TRABD2B: variants seen among roughly 807,000 people sequenced by gnomAD.
TRABD2B encodes TraB domain containing 2B.
TRABD2B carries 14 observed loss-of-function variants against 40.1 expected under a neutral mutation model. The ratio of observed to expected loss-of-function variants is 0.35; its 90% CI spans 0.23 to 0.55. The LOEUF is 0.55. TRABD2B is among the 20% of genes least tolerant of loss of function. The pLI, the probability that TRABD2B is intolerant of heterozygous loss-of-function variation, is 0.90. For missense variants in TRABD2B, 541 were observed against 648.6 expected (o/e 0.83, Z 1.80); for synonymous variants, 263 against 277.0 (o/e 0.95, Z 0.50).
intron 2 of TRABD2B, among the ~76,000 whole-genome samples, chr1:47,937,595 G>C (rs1257790866): frequency 6.6e-6 from 1 of 152,128 alleles, no homozygotes; most frequent in Non-Finnish European, 1.5e-5. Context: ...GAGAGTCAGA[G>C]GCAGGCCCTG....
At chr1:47,895,111 A>G (rs75246120) in intron 2 of TRABD2B, among the ~76,000 whole-genome samples, 3,238 of 152,260 alleles carry the variant, frequency 0.021, 130 homozygotes, top group African/African-American at 0.074. Context: ...CCTCACCCCA[A>G]GGATATAGAT....
chr1:47,989,968 C>T (rs529840180), intron 2 of TRABD2B, among the ~76,000 whole-genome samples: 75 of 152,162 alleles, frequency 4.9e-4, no homozygotes, highest in African/African-American at 1.7e-3. Context: ...AAAATAAATA[C>T]GATAATAAAT....
intron 2 of TRABD2B, among the ~76,000 whole-genome samples, chr1:47,939,025 C>G (rs1157711869): frequency 6.6e-6 from 1 of 152,036 alleles, no homozygotes; most frequent in Admixed American, 6.6e-5. Context: ...AGATGAGTGG[C>G]ATGCAGGAAA....
At chr1:47,809,577 A>G (rs536385804) in intron 2 of TRABD2B, among the ~76,000 whole-genome samples, 1 of 152,242 alleles carries the variant, frequency 6.6e-6, no homozygotes, top group East Asian at 1.9e-4. Flanking sequence ...GGCCTGGGGG[A>G]CATTTCTTCA....
intron 2 of TRABD2B, among the ~76,000 whole-genome samples, chr1:47,827,569 G>A (rs1244340274): frequency 6.6e-6 from 1 of 152,190 alleles, no homozygotes; most frequent in Non-Finnish European, 1.5e-5. Context: ...TTGTGTTGAG[G>A]TCAAGGCCCA....
At chr1:47,978,368 G>A (rs958770116) in intron 2 of TRABD2B, among the ~76,000 whole-genome samples, 9 of 152,114 alleles carry the variant, frequency 5.9e-5, no homozygotes, top group African/African-American at 1.4e-4. Flanking sequence ...ATGGTATTTC[G>A]TTATAGCAAC....
intron 4 of TRABD2B, among the ~76,000 whole-genome samples, chr1:47,788,660 T>C (rs1462893472): frequency 6.6e-6 from 1 of 152,250 alleles, no homozygotes; most frequent in Non-Finnish European, 1.5e-5. Context: ...TAGAAGGCTC[T>C]GATTACAGCA....
At position 47,813,196 on chromosome 1, in the gene TRABD2B, C is replaced by T. The variant is rs929756033; in HGVS notation, c.667-11577G>A. Among the ~76,000 whole-genome samples, 28 of 152,196 alleles carry T rather than the reference C, an allele frequency of 1.8e-4. No homozygotes were observed. The highest frequency in any genetic ancestry group is 6.0e-4 in the African/African-American group (25 of 41,444). On this transcript the variant is annotated intron_variant, in intron 2 of 6. Transcript: ENST00000606738. This position sits in a 1 kb window ranked among gnomAD's most constrained non-coding sequence, Gnocchi z 4.3. ...AAATCAGTATGAAATTCCTAGAGGG[C>T]CCCTCTAATTCCTCTGGTCTGACCA...
rs1017307223 is a variant in TRABD2B, at chr1:47,829,528, C to T, written c.667-27909G>A. Among the ~76,000 whole-genome samples, 4 of 152,102 alleles carry T rather than the reference C, an allele frequency of 2.6e-5. No homozygotes were observed. The South Asian group carries it at 6.2e-4, about 24-fold the overall frequency. ...CAGATGCCCTGGGCTGGGGTCAGCC[C>T]GGACTCCATCCTCTCCATCACCACT... On this transcript the variant is annotated intron_variant, in intron 2 of 6. Coordinates refer to ENST00000606738, the MANE Select transcript of TRABD2B (RefSeq NM_001194986.2).
chr1:47,843,080 GT>G (rs1022925246), intron 2 of TRABD2B, among the ~76,000 whole-genome samples: 2 of 152,286 alleles, frequency 1.3e-5, no homozygotes, highest in Non-Finnish European at 2.9e-5. Context: ...GTGAAAGGGG[GT>G]GGAGGAGGGA....
At chr1:47,826,498 C>T (rs754758122) in intron 2 of TRABD2B, among the ~76,000 whole-genome samples, 14 of 151,942 alleles carry the variant, frequency 9.2e-5, no homozygotes, top group Non-Finnish European at 1.5e-4. Context: ...TTAAAAGGAG[C>T]CATGATGTTA....
intron 2 of TRABD2B, among the ~76,000 whole-genome samples, chr1:47,909,556 AAGAAGG>A (rs1473853116): frequency 0.037 from 3,648 of 99,574 alleles, 82 homozygotes; most frequent in Non-Finnish European, 0.051. Context: ...GAGAAGAAGG[AAGAAGG>A]AGGAGGAGGA....
At position 47,841,018 on chromosome 1, in the gene TRABD2B, T is replaced by G. The variant is rs1308197526; in HGVS notation, c.667-39399A>C. ...GACAGTCTGGAGCAGGCCTACCTCC[T>G]GCGTGGAGTGCTTGGTGACCTTGGG... On this transcript the variant is annotated intron_variant, in intron 2 of 6. Transcript: ENST00000606738. Among the ~76,000 whole-genome samples, 4 of 152,182 alleles carry G rather than the reference T, an allele frequency of 2.6e-5. No homozygotes were observed. In the East Asian group the frequency reaches 7.7e-4, roughly 29 times the overall value.
intron 2 of TRABD2B, among the ~76,000 whole-genome samples, chr1:47,876,070 T>G (rs1211357846): frequency 6.6e-6 from 1 of 152,204 alleles, no homozygotes; most frequent in East Asian, 1.9e-4. Context: ...TCCAGCCCAC[T>G]GGAGGTCCCA....
intron 3 of TRABD2B, among the ~76,000 whole-genome samples, chr1:47,800,353 C>A (rs1339514132): frequency 6.6e-6 from 1 of 152,164 alleles, no homozygotes; most frequent in Non-Finnish European, 1.5e-5. Flanking sequence ...TAGTTAAATG[C>A]TGCAGGCAGA....
chr1:47,863,515 C>T (rs1644009641), intron 2 of TRABD2B, among the ~76,000 whole-genome samples: 1 of 151,534 alleles, frequency 6.6e-6, no homozygotes, highest in Non-Finnish European at 1.5e-5. Context: ...TGCTCCACAT[C>T]CTATGTCATC....
At chr1:47,878,854 T>C (rs373525688) in intron 2 of TRABD2B, among the ~76,000 whole-genome samples, 3 of 152,108 alleles carry the variant, frequency 2.0e-5, no homozygotes, top group African/African-American at 7.2e-5. Context: ...GCCACCACTA[T>C]GGGAGGCTGA....
chr1:47,920,712 G>A (rs753502596), intron 2 of TRABD2B, among the ~76,000 whole-genome samples: 3 of 152,252 alleles, frequency 2.0e-5, no homozygotes, highest in Non-Finnish European at 4.4e-5. Context: ...GTAACTCCCT[G>A]CAGGGCAGAG....
At chr1:47,977,866 G>C (rs1390099606) in intron 2 of TRABD2B, among the ~76,000 whole-genome samples, 1 of 152,060 alleles carries the variant, frequency 6.6e-6, no homozygotes. Flanking sequence ...GAGAAGAAAA[G>C]GGAGATGTCC....
Sources: allele counts gnomAD v4.1 joint callset (sites outside exome capture counted in the v4.1 genomes callset), GRCh38; gene constraint gnomAD v4.1.1; non-coding constraint Gnocchi (gnomAD v3.1); transcripts MANE v1.5; gene names NCBI Gene and HGNC (gene_info 2026-07-23, HGNC 2026-07-21).